The following CD96 variants were observed in gnomAD, a reference collection of about 807,000 sequenced individuals.
The protein encoded by CD96 is CD96 molecule.
Under a neutral mutation model 71.3 loss-of-function variants are expected in CD96, and 70 were observed. That is an observed-to-expected ratio of 0.98 (90% CI 0.81 to 1.20). The LOEUF is 1.20. Ranked by LOEUF, CD96 falls within the 50% of genes most tolerant of loss-of-function variation. The pLI, the probability that CD96 is intolerant of heterozygous loss-of-function variation, is 0.00. For missense variants in CD96, 742 were observed against 677.5 expected (o/e 1.10, Z -1.06); for synonymous variants, 248 against 233.0 (o/e 1.06, Z -0.59).
At chr3:111,591,859 G>A (rs1040279970) in intron 5 of CD96, among the ~76,000 whole-genome samples, 2 of 152,234 alleles carry the variant, frequency 1.3e-5, no homozygotes, top group African/African-American at 4.8e-5. Flanking sequence ...TCTACAAACA[G>A]CTGTTAGGGA....
intron 8 of CD96, among the ~76,000 whole-genome samples, chr3:111,618,891 C>T (rs1938381609): frequency 6.6e-6 from 1 of 151,942 alleles, no homozygotes; most frequent in Admixed American, 6.6e-5. Flanking sequence ...TTTAAGTTAC[C>T]AGCTTATTCT....
chr3:111,642,197 G>A (rs1939624273), intron 12 of CD96, among the ~76,000 whole-genome samples: 1 of 152,042 alleles, frequency 6.6e-6, no homozygotes, highest in East Asian at 1.9e-4. Context: ...AAAGATAAAT[G>A]AAACAAAAAC....
At chr3:111,640,845 A>T (rs1939555956) in intron 12 of CD96, among the ~76,000 whole-genome samples, 1 of 152,228 alleles carries the variant, frequency 6.6e-6, no homozygotes, top group African/African-American at 2.4e-5. Context: ...AACCTCCTCA[A>T]ACAAAAGAAT....
intron 8 of CD96, among the ~76,000 whole-genome samples, chr3:111,619,699 T>A (rs578136829): frequency 6.6e-6 from 1 of 152,332 alleles, no homozygotes; most frequent in South Asian, 2.1e-4. Flanking sequence ...TCAATATGAA[T>A]CTTTCAAAAA....
At chr3:111,563,274 C>A (rs1339480445) in intron 2 of CD96, among the ~76,000 whole-genome samples, 1 of 152,206 alleles carries the variant, frequency 6.6e-6, no homozygotes, top group Non-Finnish European at 1.5e-5. Context: ...AATACAAACC[C>A]AAACTAACCA....
At chr3:111,656,916 A>G (rs1312950925), downstream of CD96, among the ~76,000 whole-genome samples, 1 of 152,158 alleles carries the variant, frequency 6.6e-6, no homozygotes, top group African/African-American at 2.4e-5. Flanking sequence ...TATATGGAGA[A>G]GTGTCCTTTC....
At chr3:111,558,869 T>C (rs1315749197) in intron 2 of CD96, among the ~76,000 whole-genome samples, 1 of 151,674 alleles carries the variant, frequency 6.6e-6, no homozygotes, top group East Asian at 1.9e-4. Flanking sequence ...CTATTGACTA[T>C]TGCCACAATT....
chr3:111,663,112 C>G (rs1940395956), intron 14 of CD96, among the ~76,000 whole-genome samples: 1 of 152,108 alleles, frequency 6.6e-6, no homozygotes, highest in Admixed American at 6.6e-5. Flanking sequence ...GGGAAGTAAG[C>G]AGGAGAGAGA....
intron 8 of CD96, among the ~76,000 whole-genome samples, chr3:111,610,287 G>A (rs1269141715): frequency 6.6e-6 from 1 of 152,224 alleles, no homozygotes; most frequent in African/African-American, 2.4e-5. Flanking sequence ...GCAAACTGGA[G>A]GGTAATTGTG....
intron 5 of CD96, among the ~76,000 whole-genome samples, chr3:111,589,962 T>C (rs1474351968): frequency 6.6e-6 from 1 of 152,200 alleles, no homozygotes; most frequent in Non-Finnish European, 1.5e-5. Flanking sequence ...AGAGGGTTCT[T>C]AGGAAGGTTA....
intron 4 of CD96, 195 bp downstream of exon 4, chr3:111,579,429 T>C: frequency 1.5e-6 from 1 of 664,794 alleles, no homozygotes; most frequent in Non-Finnish European, 2.8e-6. Context: ...ATGATTCTGT[T>C]AACAGAATAA....
At chr3:111,558,185 G>T (rs1935177672) in intron 2 of CD96, among the ~76,000 whole-genome samples, 1 of 77,732 alleles carries the variant, frequency 1.3e-5, no homozygotes. Context: ...TTTCCTAATT[G>T]AATACCCTTT....
intron 8 of CD96, among the ~76,000 whole-genome samples, chr3:111,607,766 C>T (rs1937694074): frequency 6.6e-6 from 1 of 152,184 alleles, no homozygotes; most frequent in South Asian, 2.1e-4. Context: ...AGCTTGCAAA[C>T]CACCCATCAA....
At position 111,579,239 on chromosome 3, in the gene CD96, G is replaced by T. The variant is rs748357092; in HGVS notation, c.751+5G>T. 2.0e-6 allele frequency: 3 copies of T among 1,525,654 alleles called. No homozygotes were observed. Among genetic ancestry groups the T allele is most frequent in the African/African-American group, 2.7e-5 (2 of 73,142 alleles). The allele number at this position is 1,525,654 out of a possible 1,614,324, so 94.5% of individuals were successfully genotyped here. ...CCACCACAGTCAAGGTTTTTGGTAA[G>T]GGCTTTTGTTCTACAGACTCACTGG... is the stretch of plus-strand genomic sequence containing the variant. On this transcript the variant is annotated splice_donor_5th_base_variant and intron_variant, in intron 4 of 13. Coordinates refer to ENST00000352690, the MANE Select transcript of CD96 (RefSeq NM_005816.5).
intron 2 of CD96, among the ~76,000 whole-genome samples, chr3:111,561,817 G>A (rs1396166524): frequency 1.1e-4 from 16 of 150,804 alleles, no homozygotes; most frequent in Admixed American, 5.3e-4. Context: ...CCTCGCTGCC[G>A]ACTTGCAGTT....
intron 5 of CD96, chr3:111,593,450 CA>C: frequency 7.0e-7 from 1 of 1,436,408 alleles, no homozygotes; most frequent in East Asian, 2.3e-5. Flanking sequence ...AAAATGTCAC[CA>C]AACTACTTTG....
intron 2 of CD96, 113 bp downstream of exon 2, chr3:111,545,515 AG>A: frequency 1.3e-6 from 1 of 751,854 alleles, no homozygotes; most frequent in South Asian, 1.4e-5. Flanking sequence ...AAGGTTGAGC[AG>A]AAAGAGCTAC....
intron 10 of CD96, among the ~76,000 whole-genome samples, chr3:111,632,690 T>C (rs1939129765): frequency 6.6e-6 from 1 of 152,158 alleles, no homozygotes; most frequent in South Asian, 2.1e-4. Context: ...TGCAGCACTA[T>C]TCACAATAGC....
At chr3:111,564,965 C>G (rs921298647) in intron 2 of CD96, among the ~76,000 whole-genome samples, 1 of 152,174 alleles carries the variant, frequency 6.6e-6, no homozygotes, top group African/African-American at 2.4e-5. Context: ...TTATTGGATT[C>G]TATGTCCAGC....
Sources: gnomAD v4.1 joint callset for allele counts (sites outside exome capture counted in the v4.1 genomes callset) on GRCh38, gnomAD v4.1.1 for gene constraint, MANE v1.5 for transcripts, NCBI Gene and HGNC (gene_info 2026-07-23, HGNC 2026-07-21) for gene names.